Variants in RB1CC1 observed in about 807,000 individuals in gnomAD.
RB1CC1 encodes the protein RB1 inducible coiled-coil 1, also known as RB1-inducible coiled-coil protein 1.
A neutral mutation model predicts 177.5 loss-of-function variants in RB1CC1; 46 were observed. The ratio of observed to expected loss-of-function variants is 0.26; its 90% CI spans 0.20 to 0.33. RB1CC1 has a LOEUF of 0.33. Ranked by LOEUF, RB1CC1 falls within the 10% of genes least tolerant of loss-of-function variation. RB1CC1 has a pLI of 1.00. For missense variants in RB1CC1, 1,703 were observed against 1,816.3 expected, an observed-to-expected ratio of 0.94 and a Z score of 1.13; for synonymous variants, 666 against 613.6, an observed-to-expected ratio of 1.09 and a Z score of -1.26.
intron 5 of RB1CC1, 75 bp from the exon 6 acceptor site, chr8:52,676,646 A>G (rs1352812433): frequency 7.5e-7 from 1 of 1,335,062 alleles, no homozygotes; most frequent in African/African-American, 1.5e-5. Flanking sequence ...TATGTTTACA[A>G]ACATGTACGT....
At chr8:52,686,359 C>A (rs1024461414) in intron 2 of RB1CC1, among the ~76,000 whole-genome samples, 2 of 152,198 alleles carry the variant, frequency 1.3e-5, no homozygotes, top group African/African-American at 4.8e-5. Context: ...GCCTGGGCAA[C>A]ACAGCAACAC....
Position 52,692,617 on chromosome 8 carries a change from G to A in RB1CC1, c.-166-5650C>T, listed in dbSNP as rs1854984052. On this transcript the variant is annotated intron_variant, in intron 1 of 23. Coordinates refer to ENST00000025008, the MANE Select transcript of RB1CC1 (RefSeq NM_014781.5). ...TTGTAAAAACTTAAAATCCATAGCT[G>A]GATCACGGGGGAAAAAAGAACATGA... Among the ~76,000 whole-genome samples, 3 of 152,110 alleles carry A rather than the reference G, an allele frequency of 2.0e-5. No homozygotes were observed. The South Asian group carries it at 6.2e-4, about 32-fold the overall frequency.
chr8:52,645,185 TCTTAATCTACCACCAGC>T (rs1488816454), intron 16 of RB1CC1, among the ~76,000 whole-genome samples: 1 of 152,126 alleles, frequency 6.6e-6, no homozygotes, highest in Non-Finnish European at 1.5e-5. Flanking sequence ...TAATATTCCA[TCTTAATCTACCACCAGC>T]CTATCAGAAG....
At chr8:52,666,518 C>CAAAA (rs1158339036) in intron 8 of RB1CC1, among the ~76,000 whole-genome samples, 6 of 131,108 alleles carry the variant, frequency 4.6e-5, no homozygotes, top group East Asian at 2.2e-4. Flanking sequence ...AACTTCCTCT[C>CAAAA]AAAAAAAAAA....
intron 21 of RB1CC1, among the ~76,000 whole-genome samples, chr8:52,629,498 G>C (rs1004027914): frequency 3.9e-5 from 6 of 152,084 alleles, no homozygotes; most frequent in African/African-American, 1.4e-4. Context: ...TCCTCCTCTA[G>C]GCCAGTGCCC....
chr8:52,627,970 ATCTT>A, intron 22 of RB1CC1, 58 bp downstream of exon 22: 1 of 1,405,774 alleles, frequency 7.1e-7, no homozygotes, highest in Non-Finnish European at 9.5e-7. Flanking sequence ...GGAAAAAAAA[ATCTT>A]TACTTATATA....
chr8:52,691,317 C>T (rs1379711831), intron 1 of RB1CC1, among the ~76,000 whole-genome samples: 1 of 152,170 alleles, frequency 6.6e-6, no homozygotes, highest in East Asian at 1.9e-4. Context: ...GCTGTAGCAG[C>T]TGTGTGCCTT....
At position 52,686,944 on chromosome 8, in the gene RB1CC1, G is replaced by C. The variant is rs1416317334; in HGVS notation, c.-143C>G. On this transcript the variant is annotated 5_prime_UTR_variant, in exon 2 of 24. Transcript: ENST00000025008. ...TTTGCTTGAGATTGGCAACTGAATG[G>C]CATTACTGGTTAAACTCAGAAAACT... 2.2e-6 allele frequency: 1 copy of C among 456,426 alleles called. No individual in the cohort carries two copies. The highest frequency in any genetic ancestry group is 2.0e-5 in the African/African-American group (1 of 50,050). The allele number at this position is 456,426 out of a possible 1,614,324, so 28.3% of individuals were successfully genotyped here. A position where few individuals can be genotyped will look rare whatever the true frequency, so the allele number is the denominator to read the frequency against.
At chr8:52,712,951 C>T (rs1857179675) in intron 1 of RB1CC1, among the ~76,000 whole-genome samples, 1 of 152,202 alleles carries the variant, frequency 6.6e-6, no homozygotes, top group African/African-American at 2.4e-5. Context: ...ACAGTTTTAT[C>T]TGATCAGAAG....
chr8:52,701,313 C>T (rs1056490313), intron 1 of RB1CC1, among the ~76,000 whole-genome samples: 7 of 151,998 alleles, frequency 4.6e-5, no homozygotes, highest in Non-Finnish European at 7.4e-5. Context: ...TTAGTAGAGA[C>T]AGGGTTTCAG....
chr8:52,658,187 CCAAAT>C (rs1259888461), intron 13 of RB1CC1, 63 bp from the exon 14 acceptor site: 4 of 1,478,140 alleles, frequency 2.7e-6, no homozygotes, highest in Non-Finnish European at 3.7e-6. Context: ...ATAACTGCTA[CCAAAT>C]ATTTTAATAT....
intron 20 of RB1CC1, among the ~76,000 whole-genome samples, chr8:52,632,214 G>A (rs1848814921): frequency 1.3e-5 from 2 of 152,130 alleles, no homozygotes; most frequent in African/African-American, 4.8e-5. Flanking sequence ...TTTGAAGCTT[G>A]AAAGGGTGAT....
intron 6 of RB1CC1, among the ~76,000 whole-genome samples, chr8:52,674,791 CTAAAG>C (rs1032680420): frequency 8.6e-5 from 13 of 151,196 alleles, no homozygotes; most frequent in Non-Finnish European, 1.8e-4. Flanking sequence ...AAAAAACACT[CTAAAG>C]TAAAGTAGCT....
At position 52,697,459 on chromosome 8, in the gene RB1CC1, T is replaced by A. The variant is rs572810368; in HGVS notation, c.-166-10492A>T. ...TGTGCAAATCTAAATACGGACAGGG[T>A]ATCGGATTATACTAAAGAATTAGAA... On this transcript the variant is annotated intron_variant, in intron 1 of 23. Transcript: ENST00000025008. Among the ~76,000 whole-genome samples the A allele has an allele frequency of 3.9e-5, 6 of 152,284 alleles. No homozygotes were observed. The South Asian group carries it at 1.2e-3, about 32-fold the overall frequency.
At chr8:52,634,994 G>A in intron 19 of RB1CC1, 26 bp from the exon 20 acceptor site, 2 of 1,586,666 alleles carry the variant, frequency 1.3e-6, no homozygotes, top group South Asian at 1.1e-5. Flanking sequence ...AGAGACCTGT[G>A]GTTTATCCTT....
At chr8:52,639,059 A>G (rs1196837324) in intron 18 of RB1CC1, among the ~76,000 whole-genome samples, 1 of 152,102 alleles carries the variant, frequency 6.6e-6, no homozygotes, top group African/African-American at 2.4e-5. Flanking sequence ...ATTTTTACAC[A>G]TTTTTCAATA....
chr8:52,663,270 T>G (rs752629028), intron 8 of RB1CC1, among the ~76,000 whole-genome samples: 15 of 152,176 alleles, frequency 9.9e-5, no homozygotes, highest in Non-Finnish European at 1.2e-4. Flanking sequence ...CTAATTTTGC[T>G]GATAACCCTC....
At chr8:52,653,351 CATA>C (rs1850785900) in intron 15 of RB1CC1, among the ~76,000 whole-genome samples, 1 of 152,140 alleles carries the variant, frequency 6.6e-6, no homozygotes, top group African/African-American at 2.4e-5. Flanking sequence ...CCACCAGAAA[CATA>C]ATGTGGCTCT....
intron 5 of RB1CC1, among the ~76,000 whole-genome samples, chr8:52,681,967 C>T (rs1468926811): frequency 1.3e-5 from 2 of 152,154 alleles, no homozygotes; most frequent in Non-Finnish European, 2.9e-5. Flanking sequence ...CTACTGGGGG[C>T]ACTCCCTAGT....
Sources: allele counts gnomAD v4.1 joint callset (sites outside exome capture counted in the v4.1 genomes callset), GRCh38; gene constraint gnomAD v4.1.1; transcripts MANE v1.5; gene names NCBI Gene and HGNC (gene_info 2026-07-23, HGNC 2026-07-21).